Variants in ADRA1B observed in about 807,000 individuals in gnomAD.
ADRA1B encodes the protein alpha-1B adrenergic receptor.
In ADRA1B, 17 loss-of-function variants were observed where a neutral mutation model predicts 17.9. That is an observed-to-expected ratio of 0.95 (90% CI 0.65 to 1.42). ADRA1B has a LOEUF of 1.42. Ranked by LOEUF, ADRA1B falls within the 40% of genes most tolerant of loss-of-function variation. ADRA1B has a pLI of 0.00. For synonymous variants in ADRA1B, 366 were observed against 327.6 expected (o/e 1.12, Z -1.27); for missense variants, 681 against 722.1 (o/e 0.94, Z 0.65).
chr5:159,916,764 C>G lies in ADRA1B; in HGVS notation c.-142C>G, dbSNP rs1754321048. 2.6e-6 allele frequency: 2 copies of G among 771,452 alleles called. No homozygotes were observed. The highest frequency in any genetic ancestry group is 5.8e-5 in the Admixed American group (2 of 34,320). 47.8% of individuals were successfully genotyped at this position (771,452 alleles called of 1,614,324 possible). On this transcript the variant is annotated 5_prime_UTR_variant, in exon 1 of 2. Coordinates refer to ENST00000306675, the MANE Select transcript of ADRA1B (RefSeq NM_000679.4). ...GAGACGTGCTGCCGGGCTGGGCTGC[C>G]CGGGGGAGATGACTCCTCGCCAGGA...
At chr5:159,934,234 C>A (rs1443384330) in intron 1 of ADRA1B, among the ~76,000 whole-genome samples, 2 of 152,172 alleles carry the variant, frequency 1.3e-5, no homozygotes, top group Non-Finnish European at 2.9e-5. Context: ...TTAAACTGTA[C>A]TAAATCTAGA....
chr5:159,956,769 G>A (rs116760524), intron 1 of ADRA1B, among the ~76,000 whole-genome samples: 2,050 of 152,054 alleles, frequency 0.013, 51 homozygotes, highest in African/African-American at 0.043. Flanking sequence ...TTACATCTCC[G>A]CCCAGAATAT....
intron 1 of ADRA1B, among the ~76,000 whole-genome samples, chr5:159,956,159 T>C (rs1266976798): frequency 6.6e-6 from 1 of 152,160 alleles, no homozygotes; most frequent in African/African-American, 2.4e-5. Flanking sequence ...GAGAATCTCT[T>C]GAGCCCAGGA....
intron 1 of ADRA1B, among the ~76,000 whole-genome samples, chr5:159,932,428 G>T (rs1754836376): frequency 6.6e-6 from 1 of 152,168 alleles, no homozygotes; most frequent in South Asian, 2.1e-4. Flanking sequence ...AAAGTGCTGG[G>T]ATTACAAGCA....
upstream of ADRA1B, among the ~76,000 whole-genome samples, chr5:159,912,359 C>T (rs1754235616): frequency 6.6e-6 from 1 of 152,228 alleles, no homozygotes; most frequent in Non-Finnish European, 1.5e-5. Flanking sequence ...TCATAGTAAA[C>T]ATTAAATGAC....
chr5:159,931,015 T>C (rs1369432526), intron 1 of ADRA1B, among the ~76,000 whole-genome samples: 3 of 147,396 alleles, frequency 2.0e-5, no homozygotes, highest in Admixed American at 6.8e-5. Context: ...ATATTTATTA[T>C]ATATATTTAA....
At chr5:159,932,060 G>C (rs1040451689) in intron 1 of ADRA1B, among the ~76,000 whole-genome samples, 2 of 152,220 alleles carry the variant, frequency 1.3e-5, no homozygotes, top group Non-Finnish European at 2.9e-5. Context: ...GGATCACCCA[G>C]TGCTTTTTTC....
At chr5:159,904,738 GTTGT>G (rs1427237570) in intron 1 of ADRA1B, among the ~76,000 whole-genome samples, 4 of 152,240 alleles carry the variant, frequency 2.6e-5, no homozygotes, top group Non-Finnish European at 4.4e-5. Context: ...CTCCTGAAGT[GTTGT>G]TTAACTGCCA....
intron 1 of ADRA1B, among the ~76,000 whole-genome samples, chr5:159,928,128 T>C (rs1581041101): frequency 6.6e-6 from 1 of 152,174 alleles, no homozygotes; most frequent in East Asian, 1.9e-4. Context: ...ATCTGAATGA[T>C]GGGTGTCTTC....
chr5:159,944,717 G>T (rs574843821), intron 1 of ADRA1B, among the ~76,000 whole-genome samples: 7 of 151,926 alleles, frequency 4.6e-5, no homozygotes, highest in Non-Finnish European at 1.0e-4. Context: ...GAGATGGGGG[G>T]TTGGGGGAGA....
At chr5:159,955,452 G>A (rs529858204) in intron 1 of ADRA1B, among the ~76,000 whole-genome samples, 2 of 152,334 alleles carry the variant, frequency 1.3e-5, no homozygotes, top group South Asian at 4.1e-4. Flanking sequence ...CAGCTGCTGA[G>A]AGGAGAGATG....
At chr5:159,882,135 G>C (rs1753869783) in intron 1 of ADRA1B, among the ~76,000 whole-genome samples, 1 of 152,152 alleles carries the variant, frequency 6.6e-6, no homozygotes, top group Non-Finnish European at 1.5e-5. Context: ...CAGTAGGGAG[G>C]GGATGAAGAG....
At chr5:159,869,867 C>T (rs1192733953) in intron 1 of ADRA1B, 1 of 152,154 alleles carries the variant, frequency 6.6e-6, no homozygotes, top group Non-Finnish European at 1.5e-5. Context: ...GTGTCTGGCA[C>T]ATAATACATA....
intron 1 of ADRA1B, among the ~76,000 whole-genome samples, chr5:159,929,452 A>G (rs368336225): frequency 7.1e-6 from 1 of 140,246 alleles, no homozygotes; most frequent in Non-Finnish European, 1.6e-5. Context: ...TGGTTTTTGT[A>G]TTTTTTTTTT....
At chr5:159,878,229 G>A (rs1441793786) in intron 1 of ADRA1B, among the ~76,000 whole-genome samples, 1 of 152,188 alleles carries the variant, frequency 6.6e-6, no homozygotes, top group Non-Finnish European at 1.5e-5. Flanking sequence ...GCTATGTCAG[G>A]GCCAGGAGCC....
chr5:159,873,103 A>G (rs1313709086), intron 1 of ADRA1B, among the ~76,000 whole-genome samples: 1 of 152,116 alleles, frequency 6.6e-6, no homozygotes, highest in East Asian at 1.9e-4. Context: ...AAGGACATGA[A>G]TTCATTCTTT....
the ADRA1B span, among the ~76,000 whole-genome samples, chr5:159,988,997 A>G: frequency 2.0e-5 from 3 of 152,324 alleles, no homozygotes; most frequent in African/African-American, 4.8e-5. Flanking sequence ...TCTTCCAGAC[A>G]CTGCTTTCAA....
intron 1 of ADRA1B, among the ~76,000 whole-genome samples, chr5:159,920,877 A>G (rs1345238526): frequency 6.6e-6 from 1 of 152,192 alleles, no homozygotes; most frequent in African/African-American, 2.4e-5. Flanking sequence ...TTTCACTCAT[A>G]AGGGGAGGAA....
At chr5:159,928,669 CAG>C (rs1399373647) in intron 1 of ADRA1B, among the ~76,000 whole-genome samples, 5 of 152,148 alleles carry the variant, frequency 3.3e-5, no homozygotes, top group African/African-American at 4.8e-5. Context: ...TTCTTCAAGA[CAG>C]AGTTTCCTGC....
Sources: allele counts gnomAD v4.1 joint callset (sites outside exome capture counted in the v4.1 genomes callset), GRCh38; gene constraint gnomAD v4.1.1; transcripts MANE v1.5; gene names NCBI Gene and HGNC (gene_info 2026-07-23, HGNC 2026-07-21).